BCAT1: variants seen among roughly 807,000 people sequenced by gnomAD.
BCAT1 encodes branched-chain-amino-acid aminotransferase, cytosolic.
BCAT1 carries 48 observed loss-of-function variants against 52.4 expected under a neutral mutation model. The ratio of observed to expected loss-of-function variants is 0.92; its 90% CI spans 0.73 to 1.16. The LOEUF (loss-of-function observed/expected upper bound fraction) is 1.16, where lower values mean the gene tolerates loss of function less well. BCAT1 is among the 50% of genes most tolerant of loss of function. The pLI is 0.00. For synonymous variants in BCAT1, 167 were observed against 161.3 expected (o/e 1.04, Z -0.27); for missense variants, 451 against 457.1 (o/e 0.99, Z 0.12).
intron 6 of BCAT1, among the ~76,000 whole-genome samples, chr12:24,847,919 C>T (rs1031324035): frequency 1.3e-5 from 2 of 152,218 alleles, no homozygotes; most frequent in African/African-American, 4.8e-5. Flanking sequence ...CTAAAGTTGA[C>T]TCCAAATGTC....
chr12:24,927,133 T>G (rs559417511), intron 1 of BCAT1, among the ~76,000 whole-genome samples: 1 of 152,284 alleles, frequency 6.6e-6, no homozygotes, highest in Admixed American at 6.5e-5. Context: ...TGAGTTAAAT[T>G]TCATCTCTTG....
At position 24,811,610 on chromosome 12, in the gene BCAT1, C is replaced by T. The variant is rs887100207; in HGVS notation, c.*6398G>A. On this transcript the variant is annotated 3_prime_UTR_variant, in exon 11 of 11. Transcript: ENST00000261192. ...TTTCCTTTACCTACGATATTTTCCA[C>T]ATTTCCATTATTACACTTTTAGTGA... The T allele has an allele frequency of 6.6e-6, 1 of 152,146 alleles. No individual in the cohort carries two copies. The highest frequency in any genetic ancestry group is 2.4e-5 in the African/African-American group (1 of 41,444). 9.4% of individuals were successfully genotyped at this position (152,146 alleles called of 1,614,324 possible). A position where few individuals can be genotyped will look rare whatever the true frequency, so the allele number is the denominator to read the frequency against.
chr12:24,892,602 C>T (rs1390753443), intron 3 of BCAT1, among the ~76,000 whole-genome samples: 1 of 152,184 alleles, frequency 6.6e-6, no homozygotes, highest in Admixed American at 6.5e-5. Flanking sequence ...GCTGTCATCC[C>T]AGCACTTGAA....
chr12:24,894,963 C>T (rs1271568848), intron 2 of BCAT1, among the ~76,000 whole-genome samples: 1 of 152,170 alleles, frequency 6.6e-6, no homozygotes, highest in Non-Finnish European at 1.5e-5. Context: ...CTTCAAAATC[C>T]TCTGGGTGCA....
chr12:24,816,532 A>G lies in BCAT1; in HGVS notation c.*1476T>C, dbSNP rs942483597. On this transcript the variant is annotated 3_prime_UTR_variant, in exon 11 of 11. Transcript: ENST00000261192. ...TTGCTCATCAAATCTCCATTCAAAG[A>G]AAAGAGCACCTGCAAAAACAGAGTA... The G allele has an allele frequency of 2.5e-5, 10 of 398,130 alleles. No individual in the cohort carries two copies. The highest frequency in any genetic ancestry group is 4.4e-5 in the Non-Finnish European group (10 of 225,868). The allele number at this position is 398,130 out of a possible 1,614,324, so 24.7% of individuals were successfully genotyped here.
chr12:24,894,469 C>A lies in BCAT1; in HGVS notation c.85G>T (p.Asp29Tyr). 1 of 1,587,576 alleles carries A rather than the reference C, an allele frequency of 6.3e-7. No homozygotes were observed. Among genetic ancestry groups the A allele is most frequent in the East Asian group, 2.3e-5 (1 of 44,208 alleles). The part of the protein sequence containing the change: ...KEVVGTFKAK[D>Y]LIVTPATILK... Reference sequence around the variant, plus strand: ...ATGGTAGCTGGTGTGACTATTAGGTCTTTAGCCTGGGGAAGAAAAATCATC... The same window carrying A: ...ATGGTAGCTGGTGTGACTATTAGGTATTTAGCCTGGGGAAGAAAAATCATC... Residue 29 changes from aspartate (D) to tyrosine (Y), a missense_variant, in exon 3 of 11, where the codon GAC (aspartate) becomes TAC (tyrosine). By Grantham distance (160) the Asp-to-Tyr change is radical. Coordinates refer to ENST00000261192, the MANE Select transcript of BCAT1 (RefSeq NM_005504.7).
chr12:24,831,533 C>G (rs897288160), intron 9 of BCAT1, among the ~76,000 whole-genome samples: 1 of 152,124 alleles, frequency 6.6e-6, no homozygotes, highest in African/African-American at 2.4e-5. Context: ...CCTGTGGTCC[C>G]AGCTACTTGG....
At chr12:24,874,494 A>T (rs1432014079) in intron 5 of BCAT1, among the ~76,000 whole-genome samples, 2 of 152,360 alleles carry the variant, frequency 1.3e-5, no homozygotes, top group East Asian at 1.9e-4. Flanking sequence ...AGACTGTTAT[A>T]TCAGGGCCTA....
chr12:24,820,196 G>A (rs751812365), intron 10 of BCAT1, among the ~76,000 whole-genome samples: 4 of 152,102 alleles, frequency 2.6e-5, no homozygotes, highest in Admixed American at 1.3e-4. Context: ...ATCACTCTGC[G>A]AACCTGCATA....
intron 1 of BCAT1, among the ~76,000 whole-genome samples, chr12:24,911,465 T>C (rs1565496036): frequency 6.6e-6 from 1 of 152,162 alleles, no homozygotes; most frequent in African/African-American, 2.4e-5. Context: ...CGTGGCAGGG[T>C]GACACACAGA....
intron 5 of BCAT1, among the ~76,000 whole-genome samples, chr12:24,873,704 G>A (rs1263849437): frequency 2.0e-5 from 3 of 152,086 alleles, no homozygotes; most frequent in African/African-American, 4.8e-5. Context: ...TCCCTAATCT[G>A]AAAAAATGAA....
upstream of BCAT1, chr12:24,949,188 A>G: frequency 1.9e-6 from 1 of 536,210 alleles, no homozygotes; most frequent in Non-Finnish European, 3.3e-6. Context: ...GGCCGCCCCC[A>G]GATGGTGGAG....
At chr12:24,843,418 C>T (rs571359085) in intron 6 of BCAT1, among the ~76,000 whole-genome samples, 1 of 152,198 alleles carries the variant, frequency 6.6e-6, no homozygotes, top group South Asian at 2.1e-4. Flanking sequence ...GCCCGGCCAA[C>T]ATGGTGAAAC....
intron 5 of BCAT1, among the ~76,000 whole-genome samples, chr12:24,874,392 A>C (rs1425155391): frequency 1.3e-5 from 2 of 152,206 alleles, no homozygotes; most frequent in Non-Finnish European, 2.9e-5. Flanking sequence ...TGGCAAACAT[A>C]ATGAAATATT....
intron 1 of BCAT1, among the ~76,000 whole-genome samples, chr12:24,917,303 CG>C (rs1565498235): frequency 1.1e-4 from 17 of 151,132 alleles, no homozygotes. Context: ...CTCAGCCTGC[CG>C]GGTAGCTGGA....
chr12:24,813,513 T>C lies in BCAT1; in HGVS notation c.*4495A>G, dbSNP rs1302028177. ...TTATTTCCATCTAATCTGGCTTTGC[T>C]GAGAAAATCAGCAAGGATGCTGTAA... is the stretch of plus-strand genomic sequence containing the variant. On this transcript the variant is annotated 3_prime_UTR_variant, in exon 11 of 11. Transcript: ENST00000261192. 6.6e-6 allele frequency: 1 copy of C among 152,076 alleles called. No homozygotes were observed. The highest frequency in any genetic ancestry group is 6.6e-5 in the Admixed American group (1 of 15,258). 9.4% of individuals were successfully genotyped at this position (152,076 alleles called of 1,614,324 possible).
intron 3 of BCAT1, among the ~76,000 whole-genome samples, chr12:24,891,759 T>G (rs1942845048): frequency 6.6e-6 from 1 of 151,934 alleles, no homozygotes; most frequent in African/African-American, 2.4e-5. Context: ...TTTTTGTTTT[T>G]TTTTTTTGAG....
rs1234100666 is a variant in BCAT1, at chr12:24,865,274, C to G, written c.510+13256G>C. ...TACCCATATCACTCCAACAAACAAACAAAAAAAGACTTCTTTCTCATTCTT... is the reference window on the plus strand; with the variant it reads ...TACCCATATCACTCCAACAAACAAAGAAAAAAAGACTTCTTTCTCATTCTT... On this transcript the variant is annotated intron_variant, in intron 5 of 10. Coordinates refer to ENST00000261192, the MANE Select transcript of BCAT1 (RefSeq NM_005504.7). Among the ~76,000 whole-genome samples the G allele has an allele frequency of 1.3e-5, 2 of 152,016 alleles. 1 individual carries two copies. Among genetic ancestry groups the G allele is most frequent in the East Asian group, 3.8e-4 (2 of 5,196 alleles).
intron 6 of BCAT1, among the ~76,000 whole-genome samples, chr12:24,848,782 C>T (rs935463676): frequency 6.6e-6 from 1 of 152,194 alleles, no homozygotes; most frequent in Admixed American, 6.5e-5. Flanking sequence ...GAATAGACTT[C>T]CTAGTTTTAA....
Sources: gnomAD v4.1 joint callset for allele counts (sites outside exome capture counted in the v4.1 genomes callset) on GRCh38, gnomAD v4.1.1 for gene constraint, MANE v1.5 for transcripts, NCBI Gene and HGNC (gene_info 2026-07-23, HGNC 2026-07-21) for gene names.